The following FCHO2 variants were observed in gnomAD, a reference collection of about 807,000 sequenced individuals.
FCHO2 encodes F-BAR domain only protein 2.
A neutral mutation model predicts 114.1 loss-of-function variants in FCHO2; 43 were observed. The observed-to-expected ratio is 0.38, with a 90% CI of 0.30 to 0.49. The LOEUF (loss-of-function observed/expected upper bound fraction) is 0.49. FCHO2 is among the 20% of genes least tolerant of loss of function. The pLI, the probability that FCHO2 is intolerant of heterozygous loss-of-function variation, is 0.97. For missense variants in FCHO2, 807 were observed against 950.4 expected (o/e 0.85, Z 1.98); for synonymous variants, 293 against 315.2 (o/e 0.93, Z 0.75).
intron 2 of FCHO2, among the ~76,000 whole-genome samples, chr5:72,980,110 GT>G (rs1404899205): frequency 1.3e-5 from 2 of 152,162 alleles, no homozygotes; most frequent in African/African-American, 4.8e-5. Flanking sequence ...TCTAAACACT[GT>G]TTCAGCTGTG....
intron 13 of FCHO2, chr5:73,052,819 T>C (rs992730511): frequency 2.5e-5 from 5 of 198,066 alleles, no homozygotes; most frequent in Non-Finnish European, 1.0e-5. Flanking sequence ...GTGTTTCTTC[T>C]ATGTTTTGTG....
chr5:73,006,436 T>G lies in FCHO2; in HGVS notation c.496-9T>G, dbSNP rs989158455. The G allele has an allele frequency of 6.8e-7, 1 of 1,472,268 alleles. No homozygotes were observed. The highest frequency in any genetic ancestry group is 1.5e-5 in the African/African-American group (1 of 68,422). 91.2% of individuals were successfully genotyped at this position (1,472,268 alleles called of 1,614,324 possible). On this transcript the variant is annotated splice_polypyrimidine_tract_variant and intron_variant, in intron 5 of 25. Coordinates refer to ENST00000430046, the MANE Select transcript of FCHO2 (RefSeq NM_138782.3). ...ACAGTTAAAAGTTTTTTATTTTATTTTATTACAGGCAGCTGTTAAATCTAA... is the reference window on the plus strand; with the variant it reads ...ACAGTTAAAAGTTTTTTATTTTATTGTATTACAGGCAGCTGTTAAATCTAA...
intron 5 of FCHO2, among the ~76,000 whole-genome samples, chr5:73,000,605 A>G (rs1404885730): frequency 1.3e-5 from 2 of 150,058 alleles, no homozygotes; most frequent in African/African-American, 4.9e-5. Flanking sequence ...GAGAAACCCC[A>G]TTTCTGCTAA....
chr5:72,998,319 C>T (rs1054097890), intron 5 of FCHO2, among the ~76,000 whole-genome samples: 2 of 151,980 alleles, frequency 1.3e-5, no homozygotes, highest in South Asian at 2.1e-4. Flanking sequence ...AACCCCATCT[C>T]TACTAAAAAT....
At chr5:72,977,387 C>A (rs1580027486) in intron 2 of FCHO2, among the ~76,000 whole-genome samples, 1 of 152,224 alleles carries the variant, frequency 6.6e-6, no homozygotes, top group African/African-American at 2.4e-5. Flanking sequence ...TGATGATGAG[C>A]ATTTTCTCTT....
At position 73,088,141 on chromosome 5, in the gene FCHO2, C is replaced by T; in HGVS notation, c.*51C>T. On this transcript the variant is annotated 3_prime_UTR_variant, in exon 26 of 26. Coordinates refer to ENST00000430046, the MANE Select transcript of FCHO2 (RefSeq NM_138782.3). ...CAGGGATTACAAACCTGCCATTCTG[C>T]ATTATCTGTTCTTTCCAAACACTAT... 1 of 1,606,234 alleles carries T rather than the reference C, an allele frequency of 6.2e-7. No individual in the cohort carries two copies. The highest frequency in any genetic ancestry group is 8.5e-7 in the Non-Finnish European group (1 of 1,175,376).
intron 7 of FCHO2, among the ~76,000 whole-genome samples, 197 bp downstream of exon 7, chr5:73,015,921 A>G (rs994376860): frequency 6.6e-6 from 1 of 152,170 alleles, no homozygotes; most frequent in African/African-American, 2.4e-5. Flanking sequence ...GCCACCGAGG[A>G]TGATAATTCA....
Position 73,063,828 on chromosome 5 carries a change from C to A in FCHO2, c.1346-13C>A, listed in dbSNP as rs1178350216. 1 of 1,605,498 alleles carries A rather than the reference C, an allele frequency of 6.2e-7. No individual in the cohort carries two copies. Among genetic ancestry groups the A allele is most frequent in the Non-Finnish European group, 8.5e-7 (1 of 1,174,454 alleles). On this transcript the variant is annotated splice_polypyrimidine_tract_variant and intron_variant, in intron 17 of 25. Transcript: ENST00000430046. ...AATGATTTTCTTCAAATTCTCTTTT[C>A]CCCCTCAACCAGCCAGGCCCACAAC...
intron 2 of FCHO2, among the ~76,000 whole-genome samples, chr5:72,976,975 C>G (rs1001297560): frequency 4.6e-5 from 7 of 152,126 alleles, no homozygotes; most frequent in African/African-American, 1.7e-4. Flanking sequence ...TTTATGGCTG[C>G]GTAGATTCCA....
At chr5:73,031,014 C>G (rs1213139507) in intron 8 of FCHO2, among the ~76,000 whole-genome samples, 1 of 152,090 alleles carries the variant, frequency 6.6e-6, no homozygotes, top group Non-Finnish European at 1.5e-5. Context: ...AATGATACAA[C>G]CTAGGTTCAA....
chr5:73,017,212 G>T lies in FCHO2; in HGVS notation c.700G>T (p.Val234Phe). 6.7e-7 allele frequency: 1 copy of T among 1,496,922 alleles called. No individual in the cohort carries two copies. The highest frequency in any genetic ancestry group is 9.0e-7 in the Non-Finnish European group (1 of 1,110,944). 92.7% of individuals were successfully genotyped at this position (1,496,922 alleles called of 1,614,324 possible). Residue 234 changes from valine (V) to phenylalanine (F), a missense_variant and splice_region_variant, in exon 8 of 26, where the codon GTC (valine) becomes TTC (phenylalanine). Val to Phe is a conservative substitution (Grantham distance 50, BLOSUM62 -1). Transcript: ENST00000430046. ...AGTTATCTTTATTTCATTTTAATAG[G>T]TCCATGAAGAATTTATAAATAACAT... The part of the protein sequence containing the change: ...IKEIHLQIGQ[V>F]HEEFINNMAN...
At chr5:72,965,303 T>G (rs888414607) in intron 1 of FCHO2, among the ~76,000 whole-genome samples, 1 of 152,218 alleles carries the variant, frequency 6.6e-6, no homozygotes, top group African/African-American at 2.4e-5. Flanking sequence ...ATAAAAGTTA[T>G]GTTTACACTA....
intron 6 of FCHO2, among the ~76,000 whole-genome samples, chr5:73,009,799 A>G (rs1214585281): frequency 6.6e-6 from 1 of 152,170 alleles, no homozygotes; most frequent in Non-Finnish European, 1.5e-5. Context: ...GGCCTCCCAA[A>G]ATGCTGGCTG....
rs757569846 is a variant in FCHO2, at chr5:73,034,680, G to A, written c.820G>A (p.Asp274Asn). 9 of 1,597,180 alleles carry A rather than the reference G, an allele frequency of 5.6e-6. No individual in the cohort carries two copies. In the South Asian group the frequency reaches 1.0e-4, roughly 18 times the overall value. The change falls in exon 9 of 26, where the codon GAC (aspartate) becomes AAC (asparagine). Residue 274 changes from aspartate (D) to asparagine (N), a missense_variant. Physicochemically the swap from Asp to Asn is conservative, Grantham distance 23. Transcript: ENST00000430046. ...AGGCCTCATTGAATTTGAAGAATGT[G>A]ACACTGCTAGTGCAGTTGAAGGTAA... ...RPGLIEFEECDTASAVEGIKP... is the reference protein window; with the variant it reads ...RPGLIEFEECNTASAVEGIKP...
intron 2 of FCHO2, among the ~76,000 whole-genome samples, chr5:72,983,325 A>T (rs1227261665): frequency 6.6e-6 from 1 of 152,058 alleles, no homozygotes; most frequent in Non-Finnish European, 1.5e-5. Context: ...TCATCTACAT[A>T]TCTACATTAG....
intron 8 of FCHO2, among the ~76,000 whole-genome samples, chr5:73,025,375 A>AT (rs367615996): frequency 0.13 from 13,188 of 100,426 alleles, 1,079 homozygotes; most frequent in Middle Eastern, 0.18. Context: ...CACCCAGCTA[A>AT]TTTTTTTTTT....
At chr5:73,017,395 G>T in intron 8 of FCHO2, 87 bp downstream of exon 8, 1 of 750,574 alleles carries the variant, frequency 1.3e-6, no homozygotes, top group East Asian at 3.3e-5. Flanking sequence ...GTGGGTAAGG[G>T]GTAATTTTAA....
chr5:72,983,366 C>CTTTATTTT (rs1422208850), intron 2 of FCHO2, among the ~76,000 whole-genome samples: 1 of 151,760 alleles, frequency 6.6e-6, no homozygotes, highest in East Asian at 1.9e-4. Flanking sequence ...CCTCCCCTAG[C>CTTTATTTT]TTTATTTTTT....
At chr5:72,964,898 C>A (rs1752106840) in intron 1 of FCHO2, among the ~76,000 whole-genome samples, 1 of 152,088 alleles carries the variant, frequency 6.6e-6, no homozygotes. Context: ...GCATTGAAAT[C>A]TCACTGTGTC....
Sources: gnomAD v4.1 joint callset for allele counts (sites outside exome capture counted in the v4.1 genomes callset) on GRCh38, gnomAD v4.1.1 for gene constraint, MANE v1.5 for transcripts, NCBI Gene and HGNC (gene_info 2026-07-23, HGNC 2026-07-21) for gene names.